SORBS3: variants seen among roughly 807,000 people sequenced by gnomAD.
SORBS3 encodes the protein sorbin and SH3 domain containing 3.
A neutral mutation model predicts 98.0 loss-of-function variants in SORBS3; 69 were observed. That is an observed-to-expected ratio of 0.70 (90% confidence interval 0.58 to 0.86). The LOEUF is 0.86. Among genes scored for constraint, SORBS3 ranks in the 40% least tolerant of loss-of-function variants. The pLI, the probability that SORBS3 is intolerant of heterozygous loss-of-function variation, is 0.00. For missense variants in SORBS3, 954 were observed against 908.5 expected (o/e 1.05, Z -0.64); for synonymous variants, 394 against 355.4 (o/e 1.11, Z -1.22).
At position 22,572,349 on chromosome 8, in the gene SORBS3, G is replaced by A. The variant is rs776329943; in HGVS notation, c.1857G>A (p.Ala619=). 44 of 1,613,526 alleles carry A rather than the reference G, an allele frequency of 2.7e-5. No individual in the cohort carries two copies. Among genetic ancestry groups the A allele is most frequent in the East Asian group, 6.7e-5 (3 of 44,898 alleles). The change falls in exon 20 of 21, where the codon GCG becomes GCA. Residue 619 remains alanine (A), a synonymous_variant. Transcript: ENST00000240123. The part of the protein sequence containing the change: ...TSQIHWTPYR[A]MYQYRPQNED... ...GATACGCTTCTCGCAGGTACCGGGC[G>A]ATGTACCAGTACAGGCCCCAGAACG...
intron 17 of SORBS3, 52 bp from the exon 18 acceptor site, chr8:22,570,858 T>C: frequency 1.3e-6 from 2 of 1,522,708 alleles, no homozygotes; most frequent in Non-Finnish European, 1.8e-6. Context: ...AAGGCACCCG[T>C]GGGTCCATGG....
chr8:22,551,784 C>T (rs1167898542), upstream of SORBS3: 9 of 985,192 alleles, frequency 9.1e-6, no homozygotes, highest in Non-Finnish European at 1.1e-5. This position sits in a 1 kb window ranked among gnomAD's most constrained non-coding sequence, Gnocchi z 5.8. Context: ...ACCCAAACTC[C>T]GCCCGCCCCG....
rs1407400027 is a variant in SORBS3 at position 22,574,890 on chromosome 8, C to G, written c.*162C>G. ...TTTCCCTCGGACCCCCCTCGAAGCC[C>G]CCTGGACTGATTCCCACCCACGACT... On this transcript the variant is annotated 3_prime_UTR_variant, in exon 21 of 21. Transcript: ENST00000240123. The G allele has an allele frequency of 1.4e-6, 1 of 723,110 alleles. No individual in the cohort carries two copies. Among genetic ancestry groups the G allele is most frequent in the Non-Finnish European group, 2.5e-6 (1 of 402,216 alleles). 44.8% of individuals were successfully genotyped at this position (723,110 alleles called of 1,614,324 possible).
chr8:22,574,869 C>G lies in SORBS3; in HGVS notation c.*141C>G. On this transcript the variant is annotated 3_prime_UTR_variant, in exon 21 of 21. Coordinates refer to ENST00000240123, the MANE Select transcript of SORBS3 (RefSeq NM_005775.5). ...CTGCAGACGACCCCCGCAGCCTTTC[C>G]CTCGGACCCCCCTCGAAGCCCCCTG... The G allele has an allele frequency of 1.3e-6, 1 of 786,810 alleles. No homozygotes were observed. Among genetic ancestry groups the G allele is most frequent in the Non-Finnish European group, 2.2e-6 (1 of 451,042 alleles). The allele number at this position is 786,810 out of a possible 1,614,324, so 48.7% of individuals were successfully genotyped here.
chr8:22,574,524 A>C (rs1281392567), intron 20 of SORBS3, 143 bp from the exon 21 acceptor site: 2 of 754,028 alleles, frequency 2.7e-6, no homozygotes, highest in African/African-American at 3.5e-5. Flanking sequence ...AGGAAGGAGG[A>C]GAGCAAATCC....
chr8:22,563,766 C>G (rs1586898113), intron 7 of SORBS3, among the ~76,000 whole-genome samples: 1 of 152,182 alleles, frequency 6.6e-6, no homozygotes, highest in Non-Finnish European at 1.5e-5. Context: ...GGATCAGTAA[C>G]TTGTTCAAAG....
In SORBS3 at chr8:22,554,824, G is replaced by C; in HGVS notation, c.103-39G>C. The C allele has an allele frequency of 2.0e-6, 3 of 1,467,584 alleles. No individual in the cohort carries two copies. The highest frequency in any genetic ancestry group is 2.9e-6 in the Non-Finnish European group (3 of 1,050,282). 90.9% of individuals were successfully genotyped at this position (1,467,584 alleles called of 1,614,324 possible). ...AGTAGCCATCCCTCCCTCCCGCCCT[G>C]CTGGGCCCTGAGCTGCCGCTCCTGG... is the stretch of plus-strand genomic sequence containing the variant. On this transcript the variant is annotated intron_variant, in intron 2 of 20. Coordinates refer to ENST00000240123, the MANE Select transcript of SORBS3 (RefSeq NM_005775.5). This position sits in a 1 kb window ranked among gnomAD's most constrained non-coding sequence, Gnocchi z 6.5.
In SORBS3 at chr8:22,570,807, C is replaced by T. The variant is rs1470337512; in HGVS notation, c.1432-103C>T. The T allele has an allele frequency of 5.4e-5, 56 of 1,033,732 alleles. 1 individual carries two copies. The highest frequency in any genetic ancestry group is 1.9e-4 in the East Asian group (7 of 37,790). 64.0% of individuals were successfully genotyped at this position (1,033,732 alleles called of 1,614,324 possible). The stretch of plus-strand genomic sequence containing the variant: ...CTGGCCCCCTGCGATTCCGACCCCT[C>T]GTGTGTCCAAGGTGTTAGGGTTGAA... On this transcript the variant is annotated intron_variant, in intron 17 of 20. Coordinates refer to ENST00000240123, the MANE Select transcript of SORBS3 (RefSeq NM_005775.5).
upstream of SORBS3, among the ~76,000 whole-genome samples, chr8:22,547,563 C>A (rs1840029021): frequency 1.3e-5 from 2 of 152,236 alleles, no homozygotes; most frequent in Admixed American, 1.3e-4. Context: ...CTACCCATCG[C>A]AGTCTACCTG....
At chr8:22,562,245 T>G (rs1840312959) in intron 7 of SORBS3, among the ~76,000 whole-genome samples, 1 of 152,168 alleles carries the variant, frequency 6.6e-6, no homozygotes, top group Non-Finnish European at 1.5e-5. Context: ...ACCGGTCTTA[T>G]GAGACCGGGA....
rs1302633379 is a variant in SORBS3, at chr8:22,561,340, C to T, written c.484C>T (p.Gln162Ter). The change falls in exon 6 of 21, where the codon CAG (glutamine) becomes TAG (stop). Residue 162 changes from glutamine (Q) to a stop codon, truncating the protein, a stop_gained. Coordinates refer to ENST00000240123, the MANE Select transcript of SORBS3 (RefSeq NM_005775.5). LOFTEE classifies it high-confidence loss of function. ...QQIHRKMPDL[Q>*]LDWTFEEPPR... ...GGTCCCTTCTGCTCCTGCAGACTTG[C>T]AGCTGGACTGGACCTTCGAGGAGCC... is the stretch of plus-strand genomic sequence containing the variant. 1 of 1,602,672 alleles carries T rather than the reference C, an allele frequency of 6.2e-7. No individual in the cohort carries two copies. The highest frequency in any genetic ancestry group is 2.2e-5 in the East Asian group (1 of 44,576).
chr8:22,572,652 G>A (rs1262130081), intron 20 of SORBS3, among the ~76,000 whole-genome samples: 1 of 152,244 alleles, frequency 6.6e-6, no homozygotes, highest in Non-Finnish European at 1.5e-5. Context: ...AAGAGGCCAA[G>A]GCCCAGGAGG....
chr8:22,556,660 G>A (rs1427621787), intron 3 of SORBS3, 55 bp from the exon 4 acceptor site: 1 of 1,515,980 alleles, frequency 6.6e-7, no homozygotes. Flanking sequence ...GGGACACACA[G>A]GTTCAGGTGG....
upstream of SORBS3, chr8:22,551,894 C>A (rs1840089160): frequency 7.1e-6 from 7 of 985,144 alleles, no homozygotes; most frequent in Non-Finnish European, 8.4e-6. This position sits in a 1 kb window ranked among gnomAD's most constrained non-coding sequence, Gnocchi z 5.8. Context: ...GACCCGGTCA[C>A]GAGGGCCGCG....
chr8:22,572,008 C>G (rs1840600182), intron 19 of SORBS3, among the ~76,000 whole-genome samples, 187 bp downstream of exon 19: 1 of 152,220 alleles, frequency 6.6e-6, no homozygotes, highest in African/African-American at 2.4e-5. Flanking sequence ...TGTTCCCAAT[C>G]CCTCCTGGCA....
In SORBS3 at chr8:22,554,328, A is replaced by C; in HGVS notation, c.-55-124A>C. On this transcript the variant is annotated intron_variant, in intron 1 of 20. Coordinates refer to ENST00000240123, the MANE Select transcript of SORBS3 (RefSeq NM_005775.5). This position sits in a 1 kb window ranked among gnomAD's most constrained non-coding sequence, Gnocchi z 6.5. ...GGCCTGTTTCCTGGGTCCTTGAGCT[A>C]GTACCCAGCTGGTCCTGACCCCCTC... The C allele has an allele frequency of 2.0e-6, 2 of 996,070 alleles. No individual in the cohort carries two copies. The highest frequency in any genetic ancestry group is 1.4e-6 in the Non-Finnish European group (1 of 710,694). 61.7% of individuals were successfully genotyped at this position (996,070 alleles called of 1,614,324 possible).
chr8:22,574,133 C>T (rs144664401), intron 20 of SORBS3, among the ~76,000 whole-genome samples: 1,874 of 152,206 alleles, frequency 0.012, 45 homozygotes, highest in African/African-American at 0.042. Context: ...GGGGAAGCAT[C>T]GGGTGCCAGG....
chr8:22,549,903 C>A, upstream of SORBS3: 1 of 787,700 alleles, frequency 1.3e-6, no homozygotes, highest in Non-Finnish European at 1.5e-6. Flanking sequence ...TCTTGGAGTC[C>A]AGGTCAGAGC....
chr8:22,546,942 T>C (rs1243678387), upstream of SORBS3, among the ~76,000 whole-genome samples: 1 of 152,150 alleles, frequency 6.6e-6, no homozygotes, highest in Non-Finnish European at 1.5e-5. Flanking sequence ...GTGAGGGGAC[T>C]CTACAGGTTA....
Sources: allele counts gnomAD v4.1 joint callset (sites outside exome capture counted in the v4.1 genomes callset), GRCh38; gene constraint gnomAD v4.1.1; non-coding constraint Gnocchi (gnomAD v3.1); transcripts MANE v1.5; gene names NCBI Gene and HGNC (gene_info 2026-07-23, HGNC 2026-07-21).